Variants in FAM110B observed in about 807,000 individuals in gnomAD.
The protein encoded by FAM110B is protein FAM110B.
Under a neutral mutation model 20.4 loss-of-function variants are expected in FAM110B, and 6 were observed. That is an observed-to-expected ratio of 0.29 (90% CI 0.16 to 0.58). FAM110B has a LOEUF of 0.58. Ranked by LOEUF, FAM110B falls within the 20% of genes least tolerant of loss-of-function variation. The probability of loss-of-function intolerance (pLI) is 0.90; values close to 1 mark genes in which losing one functional copy is unlikely to be tolerated. For synonymous variants in FAM110B, 226 were observed against 214.1 expected (o/e 1.06, Z -0.49); for missense variants, 434 against 498.2 (o/e 0.87, Z 1.23).
chr8:58,121,597 A>G (rs1052390068), intron 3 of FAM110B, among the ~76,000 whole-genome samples: 1 of 152,202 alleles, frequency 6.6e-6, no homozygotes, highest in African/African-American at 2.4e-5. Flanking sequence ...TTTTATTATG[A>G]CAATGTAATA....
rs148664090 is a variant in FAM110B, at chr8:58,101,550, A to G, written c.-325+25927A>G. On this transcript the variant is annotated intron_variant, in intron 3 of 3. Coordinates refer to ENST00000519262, the MANE Select transcript of FAM110B (RefSeq NM_001377989.1). ...AATAGTAATTCCATTTTAACCCAAA[A>G]ATAGCTTTTTGTTTTCTTTCTTAAA... Among the ~76,000 whole-genome samples, 547 of 152,248 alleles carry G rather than the reference A, an allele frequency of 3.6e-3. 3 individuals are homozygous for G. The highest frequency in any genetic ancestry group is 0.013 in the African/African-American group (529 of 41,542).
chr8:58,080,586 G>A (rs1000590469), intron 3 of FAM110B, among the ~76,000 whole-genome samples: 2 of 152,204 alleles, frequency 1.3e-5, no homozygotes, highest in East Asian at 1.9e-4. Context: ...GAAGTTCAGA[G>A]AGATGTGATG....
intron 3 of FAM110B, among the ~76,000 whole-genome samples, chr8:58,101,711 C>T (rs1046950424): frequency 7.9e-5 from 12 of 151,998 alleles, no homozygotes; most frequent in African/African-American, 2.7e-4. Flanking sequence ...CTTGATGGTA[C>T]TCTGCTGCAC....
chr8:58,140,485 G>C (rs899216104), intron 3 of FAM110B, among the ~76,000 whole-genome samples: 1 of 152,162 alleles, frequency 6.6e-6, no homozygotes, highest in African/African-American at 2.4e-5. Flanking sequence ...CATAGGCAGT[G>C]CCATATTGGG....
chr8:58,087,190 G>T (rs1357362443), intron 3 of FAM110B, among the ~76,000 whole-genome samples: 1 of 152,210 alleles, frequency 6.6e-6, no homozygotes, highest in Non-Finnish European at 1.5e-5. Flanking sequence ...ACTTGCTGCA[G>T]ATGCCAACCA....
At chr8:58,082,269 A>G (rs1347872724) in intron 3 of FAM110B, among the ~76,000 whole-genome samples, 2 of 152,230 alleles carry the variant, frequency 1.3e-5, no homozygotes, top group Non-Finnish European at 2.9e-5. Context: ...AACTGCCTAT[A>G]GTAGAGTGAC....
intron 3 of FAM110B, among the ~76,000 whole-genome samples, chr8:58,130,696 T>TGG (rs1803443068): frequency 6.6e-6 from 1 of 151,930 alleles, no homozygotes; most frequent in Non-Finnish European, 1.5e-5. Flanking sequence ...ATCCCTTCCT[T>TGG]AGCTATTATA....
chr8:58,136,262 G>A (rs998300786), intron 3 of FAM110B, among the ~76,000 whole-genome samples: 25 of 151,960 alleles, frequency 1.6e-4, no homozygotes, highest in African/African-American at 5.1e-4. Context: ...TGCCCACCTC[G>A]GCCTCCCAAA....
intron 1 of FAM110B, among the ~76,000 whole-genome samples, chr8:58,002,983 T>C (rs1804328894): frequency 6.6e-6 from 1 of 152,242 alleles, no homozygotes. Context: ...CTAGAGCATG[T>C]GTTGCTGTTT....
At chr8:58,075,275 T>TGTGTGTGTGTGTG (rs1554521069) in intron 2 of FAM110B, among the ~76,000 whole-genome samples, 4 of 141,670 alleles carry the variant, frequency 2.8e-5, no homozygotes, top group African/African-American at 5.7e-5. Flanking sequence ...TTTTTTTTTT[T>TGTGTGTGTGTGTG]TGTGTGTGTG....
At chr8:58,054,199 T>A (rs1805508668) in intron 2 of FAM110B, among the ~76,000 whole-genome samples, 1 of 152,148 alleles carries the variant, frequency 6.6e-6, no homozygotes, top group Non-Finnish European at 1.5e-5. Flanking sequence ...AAACTTAAAA[T>A]GCATAAGGAG....
chr8:58,145,182 C>T (rs950235281), intron 3 of FAM110B, among the ~76,000 whole-genome samples: 6 of 151,968 alleles, frequency 3.9e-5, no homozygotes, highest in Non-Finnish European at 7.4e-5. Flanking sequence ...GGAAGTATTT[C>T]TATGGATCTT....
intron 1 of FAM110B, among the ~76,000 whole-genome samples, chr8:58,006,923 A>ATTTTTTTTTT (rs1554568496): frequency 3.2e-5 from 4 of 126,518 alleles, no homozygotes; most frequent in Admixed American, 7.8e-5. Context: ...ATATATATAT[A>ATTTTTTTTTT]TTTTTCCAAA....
intron 1 of FAM110B, among the ~76,000 whole-genome samples, chr8:58,019,196 G>A (rs1310162508): frequency 6.6e-6 from 1 of 151,670 alleles, no homozygotes; most frequent in Non-Finnish European, 1.5e-5. Context: ...ACATTAGCTG[G>A]GTGTGGTGGC....
Position 58,147,427 on chromosome 8 carries a change from C to T in FAM110B, c.*84C>T. On this transcript the variant is annotated 3_prime_UTR_variant, in exon 4 of 4. Transcript: ENST00000519262. ...TGAGGTCTCCTTGAAGTGTTGTGAG[C>T]TTCTCCACTCTTTGTGTTGCTTGTT... The T allele has an allele frequency of 1.4e-6, 2 of 1,454,594 alleles. No individual in the cohort carries two copies. Among genetic ancestry groups the T allele is most frequent in the Non-Finnish European group, 9.3e-7 (1 of 1,072,264 alleles). 90.1% of individuals were successfully genotyped at this position (1,454,594 alleles called of 1,614,324 possible).
intron 3 of FAM110B, among the ~76,000 whole-genome samples, chr8:58,109,168 A>G (rs138977157): frequency 1.4e-3 from 218 of 152,252 alleles, no homozygotes; most frequent in African/African-American, 5.0e-3. Flanking sequence ...TCTGTTGATG[A>G]CTTCCACTCC....
chr8:58,037,482 AT>A (rs974715971), intron 2 of FAM110B, among the ~76,000 whole-genome samples: 15 of 151,474 alleles, frequency 9.9e-5, no homozygotes, highest in African/African-American at 3.2e-4. Context: ...AAAAAAAAAA[AT>A]TAAAAATTAT....
intron 3 of FAM110B, among the ~76,000 whole-genome samples, chr8:58,113,937 G>A (rs1003203484): frequency 6.6e-6 from 1 of 152,154 alleles, no homozygotes; most frequent in African/African-American, 2.4e-5. Context: ...ATTACATCGG[G>A]CCTTAAAAGT....
chr8:58,099,148 GTAGACAAATACTCAAGGTTA>G (rs1442928553), intron 3 of FAM110B: 2 of 152,156 alleles, frequency 1.3e-5, no homozygotes, highest in Non-Finnish European at 2.9e-5. Flanking sequence ...CTCAAGGGAT[GTAGACAAATACTCAAGGTTA>G]TTTTATAATA....
Sources: allele counts gnomAD v4.1 joint callset (sites outside exome capture counted in the v4.1 genomes callset), GRCh38; gene constraint gnomAD v4.1.1; transcripts MANE v1.5; gene names NCBI Gene and HGNC (gene_info 2026-07-23, HGNC 2026-07-21).